Variants in SMOC2 observed in about 807,000 individuals in gnomAD.
SMOC2 encodes SPARC-related modular calcium-binding protein 2.
A neutral mutation model predicts 61.4 loss-of-function variants in SMOC2; 39 were observed. The ratio of observed to expected loss-of-function variants is 0.64; its 90% CI spans 0.49 to 0.83. The LOEUF (loss-of-function observed/expected upper bound fraction) is 0.83, where lower values mean the gene tolerates loss of function less well. SMOC2 is among the 40% of genes least tolerant of loss of function. The pLI is 0.00. For synonymous variants in SMOC2, 247 were observed against 239.9 expected (o/e 1.03, Z -0.27); for missense variants, 556 against 592.9 (o/e 0.94, Z 0.65).
intron 1 of SMOC2, among the ~76,000 whole-genome samples, chr6:168,485,429 C>T (rs1252939696): frequency 6.6e-6 from 1 of 152,162 alleles, no homozygotes; most frequent in Non-Finnish European, 1.5e-5. Context: ...CCTGAATATT[C>T]ATCAGCCAGT....
chr6:168,648,724 C>G (rs1018491095), intron 9 of SMOC2, among the ~76,000 whole-genome samples: 1 of 152,182 alleles, frequency 6.6e-6, no homozygotes, highest in Non-Finnish European at 1.5e-5. Context: ...ACTCTCAGAA[C>G]CCCCCTGGTG....
intron 9 of SMOC2, among the ~76,000 whole-genome samples, chr6:168,613,680 G>C (rs1168288971): frequency 7.8e-6 from 1 of 127,478 alleles, no homozygotes; most frequent in African/African-American, 3.0e-5. Flanking sequence ...CCTACAGCCA[G>C]CACAGGGCCT....
At chr6:168,530,954 T>C (rs1783587338) in intron 4 of SMOC2, among the ~76,000 whole-genome samples, 1 of 152,130 alleles carries the variant, frequency 6.6e-6, no homozygotes, top group African/African-American at 2.4e-5. Flanking sequence ...GTTCGCTCGG[T>C]TCATCCTACA....
intron 1 of SMOC2, among the ~76,000 whole-genome samples, chr6:168,474,374 C>G (rs1782032831): frequency 6.6e-6 from 1 of 152,090 alleles, no homozygotes. Context: ...TCCAGCATTT[C>G]CTGCTGCCCT....
At chr6:168,613,793 A>G (rs1169879611) in intron 9 of SMOC2, among the ~76,000 whole-genome samples, 1 of 124,780 alleles carries the variant, frequency 8.0e-6, no homozygotes, top group African/African-American at 3.0e-5. Flanking sequence ...ACCTACAGCC[A>G]GCACAGGGCC....
At chr6:168,663,955 G>A (rs1341458818) in intron 11 of SMOC2, 119 bp from the exon 12 acceptor site, 6 of 788,502 alleles carry the variant, frequency 7.6e-6, no homozygotes, top group Non-Finnish European at 1.2e-5. Context: ...ATATAAATGA[G>A]TTTGCCAATT....
rs149996766 is a variant in SMOC2 at position 168,605,388 on chromosome 6, C to T, written c.825-2769C>T. On this transcript the variant is annotated intron_variant, in intron 8 of 12. Transcript: ENST00000356284. Reference sequence around the variant, plus strand: ...ATCTGATGGGCAATGAGAGAAGAGACGTTTGTGTTTTTCCTTATACAAATA... The same window carrying T: ...ATCTGATGGGCAATGAGAGAAGAGATGTTTGTGTTTTTCCTTATACAAATA... Among the ~76,000 whole-genome samples the T allele has an allele frequency of 9.9e-5, 15 of 152,192 alleles. 1 individual carries two copies. The highest frequency in any genetic ancestry group is 1.9e-4 in the East Asian group (1 of 5,154).
chr6:168,497,235 C>A (rs939403756), intron 1 of SMOC2, among the ~76,000 whole-genome samples: 1 of 152,162 alleles, frequency 6.6e-6, no homozygotes, highest in African/African-American at 2.4e-5. Context: ...TCACTGGGAG[C>A]CTCAGCTGTG....
intron 1 of SMOC2, among the ~76,000 whole-genome samples, chr6:168,467,473 A>AT (rs992852030): frequency 3.2e-4 from 48 of 151,780 alleles, no homozygotes; most frequent in African/African-American, 3.6e-4. Flanking sequence ...CACCCGGCTA[A>AT]TTTTTTTTGT....
chr6:168,613,892 C>T (rs1785968201), intron 9 of SMOC2, among the ~76,000 whole-genome samples: 1 of 93,976 alleles, frequency 1.1e-5, no homozygotes, highest in African/African-American at 4.4e-5. Flanking sequence ...AGGACCTCTT[C>T]ACACCTACAG....
intron 9 of SMOC2, among the ~76,000 whole-genome samples, chr6:168,614,840 C>T (rs866901016): frequency 3.1e-4 from 7 of 22,586 alleles, no homozygotes; most frequent in Non-Finnish European, 4.7e-4. Context: ...GGCCTCTTCA[C>T]ACCTACAGCC....
At chr6:168,492,688 T>C (rs904819388) in intron 1 of SMOC2, among the ~76,000 whole-genome samples, 1 of 152,256 alleles carries the variant, frequency 6.6e-6, no homozygotes, top group African/African-American at 2.4e-5. Flanking sequence ...ACCTACGAGG[T>C]TGATGACATT....
intron 1 of SMOC2, among the ~76,000 whole-genome samples, chr6:168,455,001 C>T (rs980684439): frequency 2.6e-5 from 4 of 152,024 alleles, no homozygotes; most frequent in East Asian, 1.9e-4. Context: ...TCTTGGTGGC[C>T]GGGGTCTCAG....
At chr6:168,625,191 G>C (rs751217647) in intron 9 of SMOC2, among the ~76,000 whole-genome samples, 4 of 152,210 alleles carry the variant, frequency 2.6e-5, no homozygotes, top group Admixed American at 2.6e-4. Flanking sequence ...TGTGGGGCAC[G>C]TGGGTCGTCC....
chr6:168,539,963 A>C, intron 4 of SMOC2, among the ~76,000 whole-genome samples: 1 of 152,210 alleles, frequency 6.6e-6, no homozygotes, highest in East Asian at 1.9e-4. Context: ...TATAACGGGC[A>C]TGATGGCAGT....
intron 11 of SMOC2, among the ~76,000 whole-genome samples, chr6:168,660,711 G>A (rs1304933438): frequency 6.6e-6 from 1 of 152,232 alleles, no homozygotes. Context: ...AGCCACAAGG[G>A]AGGTGGATGC....
chr6:168,545,194 G>A (rs887172682), intron 5 of SMOC2, among the ~76,000 whole-genome samples: 14 of 151,650 alleles, frequency 9.2e-5, no homozygotes, highest in Admixed American at 1.3e-4. Flanking sequence ...GGAGATGGAA[G>A]GATCATCGTC....
At chr6:168,481,706 C>T (rs1782210567) in intron 1 of SMOC2, among the ~76,000 whole-genome samples, 1 of 151,808 alleles carries the variant, frequency 6.6e-6, no homozygotes, top group South Asian at 2.1e-4. Context: ...ATTAATCTCT[C>T]CAATTAAAAG....
Position 168,453,879 on chromosome 6 carries a change from T to A in SMOC2, c.84+12425T>A, listed in dbSNP as rs1405278558. 6.6e-6 allele frequency among the ~76,000 whole-genome samples: 1 copy of A among 151,950 alleles called. No individual in the cohort carries two copies. Among genetic ancestry groups the A allele is most frequent in the African/African-American group, 2.4e-5 (1 of 41,358 alleles). On this transcript the variant is annotated intron_variant, in intron 1 of 12. Transcript: ENST00000356284. This position sits in a 1 kb window ranked among gnomAD's most constrained non-coding sequence, Gnocchi z 4.4. ...CTCTGGATCTCTGCCATTCTCCATC[T>A]CTGTCTCTCTATCTCTCTTTCTCTC... is the stretch of plus-strand genomic sequence containing the variant.
Sources: gnomAD v4.1 joint callset for allele counts (sites outside exome capture counted in the v4.1 genomes callset) on GRCh38, gnomAD v4.1.1 for gene constraint, Gnocchi (gnomAD v3.1) non-coding constraint, MANE v1.5 for transcripts, NCBI Gene and HGNC (gene_info 2026-07-23, HGNC 2026-07-21) for gene names.